SOX5: variants seen among roughly 807,000 people sequenced by gnomAD.
The protein encoded by SOX5 is SRY-box transcription factor 5.
In SOX5, 9 loss-of-function variants were observed where a neutral mutation model predicts 92.0. The ratio of observed to expected loss-of-function variants is 0.10; its 90% CI spans 0.06 to 0.17. The LOEUF is 0.17. Among genes scored for constraint, SOX5 ranks in the 10% least tolerant of loss-of-function variants. The pLI is 1.00. For synonymous variants in SOX5, 344 were observed against 336.3 expected (o/e 1.02, Z -0.25); for missense variants, 642 against 944.5 (o/e 0.68, Z 4.20).
At chr12:24,194,035 T>G (rs1019539428) in intron 4 of SOX5, among the ~76,000 whole-genome samples, 5 of 152,164 alleles carry the variant, frequency 3.3e-5, no homozygotes, top group African/African-American at 4.8e-5. Flanking sequence ...TTCACAATTA[T>G]AAATAAAACT....
intron 4 of SOX5, among the ~76,000 whole-genome samples, chr12:24,068,298 A>G (rs1261585345): frequency 6.6e-6 from 1 of 152,194 alleles, no homozygotes; most frequent in Non-Finnish European, 1.5e-5. Context: ...CATAGTTGGA[A>G]ATACTGATAA....
intron 1 of SOX5, among the ~76,000 whole-genome samples, chr12:24,486,319 G>A (rs1475589083): frequency 3.9e-5 from 6 of 152,138 alleles, no homozygotes; most frequent in Admixed American, 3.3e-4. Context: ...GCCACTACCC[G>A]AAGTGTGAGT....
chr12:23,899,615 T>C (rs546879582), intron 1 of SOX5, among the ~76,000 whole-genome samples: 4 of 152,154 alleles, frequency 2.6e-5, no homozygotes, highest in Non-Finnish European at 5.9e-5. Flanking sequence ...GAAACTGACA[T>C]AAGACAGACA....
At chr12:23,551,224 C>T (rs1013884762) in intron 11 of SOX5, among the ~76,000 whole-genome samples, 1 of 151,818 alleles carries the variant, frequency 6.6e-6, no homozygotes, top group African/African-American at 2.4e-5. Flanking sequence ...AAGAAAGAAA[C>T]AAAAAACCCT....
chr12:24,157,038 T>C (rs1952251035), intron 4 of SOX5, among the ~76,000 whole-genome samples: 1 of 152,130 alleles, frequency 6.6e-6, no homozygotes, highest in South Asian at 2.1e-4. Flanking sequence ...CTTTGATTAG[T>C]CTAATGATAT....
At chr12:24,300,494 T>C (rs898608780) in intron 2 of SOX5, among the ~76,000 whole-genome samples, 1 of 152,174 alleles carries the variant, frequency 6.6e-6, no homozygotes, top group African/African-American at 2.4e-5. Context: ...AGACCAATAT[T>C]CACTAAGCAA....
intron 3 of SOX5, among the ~76,000 whole-genome samples, chr12:23,810,391 G>C (rs181446650): frequency 1.3e-5 from 2 of 152,256 alleles, no homozygotes; most frequent in East Asian, 3.9e-4. Context: ...TGTTACTCTA[G>C]TGCATTCAGA....
At chr12:23,756,236 A>G (rs2094370924) in intron 3 of SOX5, among the ~76,000 whole-genome samples, 1 of 100,200 alleles carries the variant, frequency 1.0e-5, no homozygotes, top group African/African-American at 3.1e-5. Flanking sequence ...CTGCGAACAT[A>G]AAAAAAAACA....
At chr12:23,720,261 G>A (rs1029018998) in intron 6 of SOX5, among the ~76,000 whole-genome samples, 3 of 152,168 alleles carry the variant, frequency 2.0e-5, no homozygotes, top group African/African-American at 7.2e-5. Context: ...TACCCTACAT[G>A]TGGAGAACTG....
chr12:23,538,945 C>T (rs781319561), intron 13 of SOX5, among the ~76,000 whole-genome samples: 6 of 151,454 alleles, frequency 4.0e-5, no homozygotes, highest in African/African-American at 7.3e-5. Flanking sequence ...GGACTACAGG[C>T]GCCCGCCACC....
intron 3 of SOX5, among the ~76,000 whole-genome samples, chr12:24,258,174 A>AAAACAC (rs1565770003): frequency 6.6e-6 from 1 of 151,846 alleles, no homozygotes; most frequent in African/African-American, 2.4e-5. Context: ...TCCGTCAAAA[A>AAAACAC]ACACACACAC....
chr12:23,752,277 A>T (rs537140226), intron 4 of SOX5, among the ~76,000 whole-genome samples: 1 of 151,958 alleles, frequency 6.6e-6, no homozygotes, highest in Non-Finnish European at 1.5e-5. Context: ...CTCTAAAAAA[A>T]CTCTTGAAAT....
chr12:23,916,937 G>T (rs2097423542), intron 1 of SOX5, among the ~76,000 whole-genome samples: 1 of 152,118 alleles, frequency 6.6e-6, no homozygotes, highest in Non-Finnish European at 1.5e-5. Flanking sequence ...GATATTTTGT[G>T]TTACATACAG....
At chr12:23,967,511 A>T (rs1199256651) in intron 4 of SOX5, among the ~76,000 whole-genome samples, 1 of 152,144 alleles carries the variant, frequency 6.6e-6, no homozygotes, top group Non-Finnish European at 1.5e-5. Context: ...TATAAAATCT[A>T]TAAATTATAT....
intron 2 of SOX5, among the ~76,000 whole-genome samples, chr12:23,869,360 A>G (rs1000693097): frequency 5.9e-5 from 9 of 152,050 alleles, no homozygotes; most frequent in Admixed American, 2.0e-4. Context: ...CTTTTCCCTC[A>G]CTTTGCTTGG....
chr12:23,698,949 G>T (rs2090254179), intron 6 of SOX5, among the ~76,000 whole-genome samples: 1 of 152,164 alleles, frequency 6.6e-6, no homozygotes, highest in South Asian at 2.1e-4. Flanking sequence ...TGTGAAAACA[G>T]AAAGTATTTC....
chr12:23,561,453 T>G (rs1946181810), intron 11 of SOX5, among the ~76,000 whole-genome samples: 1 of 152,156 alleles, frequency 6.6e-6, no homozygotes, highest in African/African-American at 2.4e-5. Context: ...CTGATCTGTA[T>G]TAGAGAAGAT....
At chr12:23,990,300 C>A (rs1461823808) in intron 4 of SOX5, among the ~76,000 whole-genome samples, 1 of 152,120 alleles carries the variant, frequency 6.6e-6, no homozygotes, top group Non-Finnish European at 1.5e-5. Context: ...TCTCCATAAA[C>A]CCTTCAACAG....
Position 24,164,164 on chromosome 12 carries a change from T to C in SOX5, c.-2+49179A>G, listed in dbSNP as rs149746947. On this transcript the variant is annotated intron_variant, in intron 4 of 4. Coordinates refer to the SOX5 transcript ENST00000446891. ...CCATTTTCTTCAACAAGTCCCCAGA[T>C]ACACAATAATACCGTTTTCTATGAC... Among the ~76,000 whole-genome samples, 840 of 152,128 alleles carry C rather than the reference T, an allele frequency of 5.5e-3. 4 individuals are homozygous for C. Among genetic ancestry groups the C allele is most frequent in the Middle Eastern group, 0.02 (6 of 294 alleles).
Sources: allele counts gnomAD v4.1 joint callset (sites outside exome capture counted in the v4.1 genomes callset), GRCh38; gene constraint gnomAD v4.1.1; transcripts MANE v1.5; gene names NCBI Gene and HGNC (gene_info 2026-07-23, HGNC 2026-07-21).